LMBRD1: variants seen among roughly 807,000 people sequenced by gnomAD.
LMBRD1 encodes the protein lysosomal cobalamin transport escort protein LMBD1.
LMBRD1 carries 64 observed loss-of-function variants against 74.8 expected under a neutral mutation model. The observed-to-expected ratio is 0.86, with a 90% confidence interval of 0.70 to 1.05. LMBRD1 has a LOEUF of 1.05. Among genes scored for constraint, LMBRD1 ranks in the 50% least tolerant of loss-of-function variants. The pLI, the probability that LMBRD1 is intolerant of heterozygous loss-of-function variation, is 0.00. For missense variants in LMBRD1, 652 were observed against 645.9 expected (o/e 1.01, Z -0.10); for synonymous variants, 204 against 216.3 (o/e 0.94, Z 0.50).
chr6:69,695,488 T>G (rs1201831064), intron 14 of LMBRD1, among the ~76,000 whole-genome samples: 2 of 152,174 alleles, frequency 1.3e-5, no homozygotes, highest in Non-Finnish European at 2.9e-5. Context: ...AGGACTCTGT[T>G]GGAAACCAAA....
At chr6:69,772,090 A>G (rs767878598) in intron 3 of LMBRD1, among the ~76,000 whole-genome samples, 3 of 152,220 alleles carry the variant, frequency 2.0e-5, no homozygotes, top group Non-Finnish European at 4.4e-5. Context: ...TGCTTTAGAA[A>G]TGTTAAATTT....
intron 3 of LMBRD1, among the ~76,000 whole-genome samples, chr6:69,771,154 T>A (rs944349694): frequency 6.6e-6 from 1 of 152,160 alleles, no homozygotes; most frequent in Non-Finnish European, 1.5e-5. Context: ...ATGAGCACAG[T>A]TTAGCTGGGT....
chr6:69,753,995 A>G (rs1323074944), intron 3 of LMBRD1, among the ~76,000 whole-genome samples: 1 of 152,168 alleles, frequency 6.6e-6, no homozygotes, highest in Non-Finnish European at 1.5e-5. Context: ...ACACAGATGA[A>G]CTTAGCATAA....
At chr6:69,720,269 T>C (rs1766585470) in intron 7 of LMBRD1, among the ~76,000 whole-genome samples, 1 of 152,224 alleles carries the variant, frequency 6.6e-6, no homozygotes, top group Non-Finnish European at 1.5e-5. Context: ...TACAGTACGT[T>C]GTATTTAGAT....
At chr6:69,744,036 G>A (rs1301455935) in intron 5 of LMBRD1, among the ~76,000 whole-genome samples, 1 of 152,094 alleles carries the variant, frequency 6.6e-6, no homozygotes, top group Non-Finnish European at 1.5e-5. Flanking sequence ...TTATAATATA[G>A]ATATATCAGT....
chr6:69,755,912 G>C (rs1264708518), intron 3 of LMBRD1, among the ~76,000 whole-genome samples: 1 of 152,068 alleles, frequency 6.6e-6, no homozygotes, highest in Non-Finnish European at 1.5e-5. Flanking sequence ...AAGCATTTCT[G>C]GTGCTCCTAA....
intron 7 of LMBRD1, among the ~76,000 whole-genome samples, chr6:69,727,343 A>G (rs1223993360): frequency 6.6e-6 from 1 of 152,200 alleles, no homozygotes; most frequent in Non-Finnish European, 1.5e-5. Context: ...CGAAAATTAA[A>G]AATAATTTTT....
chr6:69,705,719 A>G, intron 9 of LMBRD1: 2 of 1,128,742 alleles, frequency 1.8e-6, no homozygotes, highest in Non-Finnish European at 2.6e-6. Flanking sequence ...GAACCTTGCT[A>G]CCACCTCCAG....
chr6:69,701,818 A>G, intron 10 of LMBRD1, 71 bp downstream of exon 10: 1 of 1,067,886 alleles, frequency 9.4e-7, no homozygotes, highest in Non-Finnish European at 1.5e-6. Context: ...CACTAATGGC[A>G]TTCAGCAACA....
At chr6:69,700,457 G>A (rs990290545) in intron 12 of LMBRD1, among the ~76,000 whole-genome samples, 1 of 151,698 alleles carries the variant, frequency 6.6e-6, no homozygotes, top group Non-Finnish European at 1.5e-5. Flanking sequence ...TCTGCCCTAT[G>A]CACTACAGGA....
chr6:69,691,834 C>T (rs977182676), intron 14 of LMBRD1, among the ~76,000 whole-genome samples: 18 of 147,008 alleles, frequency 1.2e-4, no homozygotes, highest in African/African-American at 4.5e-4. Context: ...CAAGATCGCG[C>T]CACTGCACTC....
At chr6:69,693,672 A>G (rs1392368246) in intron 14 of LMBRD1, among the ~76,000 whole-genome samples, 1 of 151,954 alleles carries the variant, frequency 6.6e-6, no homozygotes, top group Non-Finnish European at 1.5e-5. Flanking sequence ...AAATGTTGTC[A>G]TGAAATATGT....
intron 7 of LMBRD1, among the ~76,000 whole-genome samples, chr6:69,725,574 A>G (rs1766714589): frequency 6.6e-6 from 1 of 152,096 alleles, no homozygotes; most frequent in African/African-American, 2.4e-5. Flanking sequence ...ACCCACAAAC[A>G]AATCTACACA....
chr6:69,680,024 G>A (rs1262602474), intron 14 of LMBRD1, among the ~76,000 whole-genome samples: 2 of 152,116 alleles, frequency 1.3e-5, no homozygotes, highest in African/African-American at 4.8e-5. Context: ...ACTACTCTGT[G>A]CATGCCCATT....
chr6:69,675,472 C>A lies in LMBRD1; in HGVS notation c.*686G>T, dbSNP rs531908442. ...AGGATTAATTATTCTTGACAATACC[C>A]CTATTTATATTGAAATACACATTTT... On this transcript the variant is annotated 3_prime_UTR_variant, in exon 16 of 16. Coordinates refer to ENST00000649934, the MANE Select transcript of LMBRD1 (RefSeq NM_018368.4). Among the ~76,000 whole-genome samples the A allele has an allele frequency of 1.3e-5, 2 of 152,116 alleles. No individual in the cohort carries two copies. The highest frequency in any genetic ancestry group is 4.8e-5 in the African/African-American group (2 of 41,516).
intron 7 of LMBRD1, among the ~76,000 whole-genome samples, chr6:69,732,359 T>C (rs1766876785): frequency 6.6e-6 from 1 of 152,106 alleles, no homozygotes; most frequent in Admixed American, 6.6e-5. Flanking sequence ...CTGCTCTTTA[T>C]CATATGAGCA....
chr6:69,709,208 T>C (rs1327686246), intron 9 of LMBRD1, among the ~76,000 whole-genome samples: 1 of 150,870 alleles, frequency 6.6e-6, no homozygotes, highest in Non-Finnish European at 1.5e-5. Flanking sequence ...GACTCCAGCC[T>C]GGGCAACAAG....
Position 69,701,965 on chromosome 6 carries a change from A to AATATATTC in LMBRD1, c.916-20_916-13dup, listed in dbSNP as rs2149845576. 6.6e-7 allele frequency: 1 copy of AATATATTC among 1,509,578 alleles called. No individual in the cohort carries two copies. The highest frequency in any genetic ancestry group is 2.3e-5 in the East Asian group (1 of 44,116). The allele number at this position is 1,509,578 out of a possible 1,614,324, so 93.5% of individuals were successfully genotyped here. A position where few individuals can be genotyped will look rare whatever the true frequency, so the allele number is the denominator to read the frequency against. ...ATTCCCCAGACGATCTAAAAGCAAA[A>AATATATTC]ATATATTCATTAAAATATAGTTCTA... On this transcript the variant is annotated splice_polypyrimidine_tract_variant and intron_variant, in intron 9 of 15. Coordinates refer to ENST00000649934, the MANE Select transcript of LMBRD1 (RefSeq NM_018368.4).
intron 3 of LMBRD1, among the ~76,000 whole-genome samples, chr6:69,762,540 T>C (rs1002733711): frequency 4.6e-5 from 7 of 152,162 alleles, no homozygotes; most frequent in Admixed American, 3.9e-4. Flanking sequence ...TCAAAGATTC[T>C]AGTTTCTCTA....
Sources: gnomAD v4.1 joint callset for allele counts (sites outside exome capture counted in the v4.1 genomes callset) on GRCh38, gnomAD v4.1.1 for gene constraint, MANE v1.5 for transcripts, NCBI Gene and HGNC (gene_info 2026-07-23, HGNC 2026-07-21) for gene names.